The following RAPGEF4 variants were observed in gnomAD, a reference collection of about 807,000 sequenced individuals.
The protein encoded by RAPGEF4 is Rap guanine nucleotide exchange factor 4, also known as RAP guanine-nucleotide-exchange factor (GEF) 4.
RAPGEF4 carries 66 observed loss-of-function variants against 147.9 expected under a neutral mutation model. The ratio of observed to expected loss-of-function variants is 0.45; its 90% confidence interval spans 0.37 to 0.55. RAPGEF4 has a LOEUF of 0.55. Among genes scored for constraint, RAPGEF4 ranks in the 20% least tolerant of loss-of-function variants. The pLI is 0.00. For synonymous variants in RAPGEF4, 419 were observed against 442.7 expected (o/e 0.95, Z 0.67); for missense variants, 1,071 against 1,257.3 (o/e 0.85, Z 2.24).
chr2:172,928,412 G>A, intron 6 of RAPGEF4: 1 of 342,646 alleles, frequency 2.9e-6, no homozygotes, highest in Non-Finnish European at 5.7e-6. Flanking sequence ...AATAGGAAAT[G>A]TAGGTAATAC....
intron 1 of RAPGEF4, among the ~76,000 whole-genome samples, chr2:172,754,690 G>A (rs1199903779): frequency 6.6e-6 from 1 of 151,990 alleles, no homozygotes; most frequent in Non-Finnish European, 1.5e-5. Context: ...TTAGTAGATA[G>A]GGCAAGGAAA....
At chr2:172,864,445 G>GGGATT (rs1279119085) in intron 4 of RAPGEF4, among the ~76,000 whole-genome samples, 19 of 152,324 alleles carry the variant, frequency 1.2e-4, no homozygotes, top group Middle Eastern at 6.8e-3. Context: ...TCTTGAGTCT[G>GGGATT]GGATTCGGCT....
intron 4 of RAPGEF4, among the ~76,000 whole-genome samples, chr2:172,903,442 G>A (rs1180178733): frequency 2.0e-5 from 3 of 151,658 alleles, no homozygotes; most frequent in African/African-American, 7.3e-5. Flanking sequence ...GAAGGCTGAG[G>A]CAGGAGAATC....
At chr2:172,855,236 G>A (rs377430913) in intron 4 of RAPGEF4, among the ~76,000 whole-genome samples, 1 of 152,056 alleles carries the variant, frequency 6.6e-6, no homozygotes, top group African/African-American at 2.4e-5. Context: ...TTGCTCTGGG[G>A]ATTACCACAT....
At chr2:172,901,880 G>A (rs1174261360) in intron 4 of RAPGEF4, among the ~76,000 whole-genome samples, 2 of 152,134 alleles carry the variant, frequency 1.3e-5, no homozygotes, top group Admixed American at 6.5e-5. Context: ...GTTAACAGAG[G>A]AGAAAAAGCA....
intron 3 of RAPGEF4, 52 bp downstream of exon 3, chr2:172,797,665 T>G (rs1234955845): frequency 7.4e-7 from 1 of 1,348,610 alleles, no homozygotes; most frequent in Non-Finnish European, 1.0e-6. Flanking sequence ...TAAAGACTTA[T>G]TATCCCTATG....
chr2:173,004,327 AT>A (rs2105822397), intron 17 of RAPGEF4, among the ~76,000 whole-genome samples: 1 of 152,282 alleles, frequency 6.6e-6, no homozygotes, highest in East Asian at 1.9e-4. Context: ...TGAAAATCAT[AT>A]TTGTTCAATT....
chr2:172,766,708 G>A (rs1412957395), intron 1 of RAPGEF4, among the ~76,000 whole-genome samples: 1 of 152,118 alleles, frequency 6.6e-6, no homozygotes, highest in Admixed American at 6.5e-5. Context: ...AACACCAACA[G>A]TGGATGTGCT....
intron 29 of RAPGEF4, among the ~76,000 whole-genome samples, chr2:173,039,550 T>C (rs567752759): frequency 7.9e-5 from 12 of 151,540 alleles, no homozygotes; most frequent in African/African-American, 2.7e-4. Context: ...CAGTTTTACA[T>C]CCACTTGGTT....
chr2:172,805,772 A>G (rs1394344555), intron 3 of RAPGEF4, among the ~76,000 whole-genome samples: 1 of 152,148 alleles, frequency 6.6e-6, no homozygotes, highest in East Asian at 1.9e-4. Context: ...CCACTGCTGT[A>G]CTTGTCTGCA....
rs530204815 is a variant in RAPGEF4, at chr2:172,967,546, A to G, written c.1004+102A>G. On this transcript the variant is annotated intron_variant, in intron 10 of 30. Coordinates refer to ENST00000397081, the MANE Select transcript of RAPGEF4 (RefSeq NM_007023.4). ...AAGGCTGCTCTCAAAAGCCCTGGCCATCCCCCATGGAACAAAAGGGAGCAG... is the reference window on the plus strand; with the variant it reads ...AAGGCTGCTCTCAAAAGCCCTGGCCGTCCCCCATGGAACAAAAGGGAGCAG... The G allele has an allele frequency of 4.8e-6, 6 of 1,253,880 alleles. No individual in the cohort carries two copies. In the East Asian group the frequency reaches 1.3e-4, roughly 27 times the overall value. The allele number at this position is 1,253,880 out of a possible 1,614,324, so 77.7% of individuals were successfully genotyped here. A position where few individuals can be genotyped will look rare whatever the true frequency, so the allele number is the denominator to read the frequency against.
In RAPGEF4 at chr2:172,869,990, G is replaced by A. The variant is rs141653596; in HGVS notation, c.445-47812G>A. ...GGTGAACTCCACTCCCGGGGAGTGG[G>A]CATTTCAAACTAGGAGCAATCCTGA... On this transcript the variant is annotated intron_variant, in intron 4 of 30. Transcript: ENST00000397081. 1.6e-4 allele frequency among the ~76,000 whole-genome samples: 24 copies of A among 152,248 alleles called. No homozygotes were observed. In the East Asian group the frequency reaches 3.9e-3, roughly 25 times the overall value.
At chr2:172,986,207 A>G (rs1692233099) in intron 12 of RAPGEF4, among the ~76,000 whole-genome samples, 1 of 152,266 alleles carries the variant, frequency 6.6e-6, no homozygotes, top group South Asian at 2.1e-4. Flanking sequence ...ATCACAGGAC[A>G]CAGCAGCATG....
intron 17 of RAPGEF4, among the ~76,000 whole-genome samples, chr2:173,003,080 C>T (rs7604728): frequency 0.77 from 116,751 of 152,048 alleles, 44,967 homozygotes; most frequent in East Asian, 1. Flanking sequence ...GCGAGTTCAG[C>T]GGGCCAAGGC....
intron 29 of RAPGEF4, 70 bp from the exon 30 acceptor site, chr2:173,048,530 G>A (rs2290378): frequency 0.075 from 119,958 of 1,599,192 alleles, 6,695 homozygotes; most frequent in East Asian, 0.36. Context: ...GAAATGGTTT[G>A]TTTTCCTTTT....
chr2:172,799,814 T>C (rs1187753198), intron 3 of RAPGEF4, among the ~76,000 whole-genome samples: 2 of 152,154 alleles, frequency 1.3e-5, no homozygotes, highest in Non-Finnish European at 2.9e-5. Flanking sequence ...GAAGAGCAGA[T>C]GTGCCTAAGG....
intron 1 of RAPGEF4, among the ~76,000 whole-genome samples, chr2:172,743,036 G>A (rs1364856472): frequency 6.6e-6 from 1 of 152,108 alleles, no homozygotes; most frequent in African/African-American, 2.4e-5. Flanking sequence ...AGATTTTATG[G>A]CCCTCTCATC....
At chr2:172,882,055 A>G (rs1025846755) in intron 4 of RAPGEF4, among the ~76,000 whole-genome samples, 1 of 152,194 alleles carries the variant, frequency 6.6e-6, no homozygotes, top group East Asian at 1.9e-4. Context: ...TGGTGTGTTC[A>G]TGTTAACAGG....
At chr2:173,027,460 C>A (rs1205209278) in intron 25 of RAPGEF4, among the ~76,000 whole-genome samples, 2 of 152,226 alleles carry the variant, frequency 1.3e-5, no homozygotes, top group African/African-American at 4.8e-5. Flanking sequence ...AAATTAACTT[C>A]TTTACAGCAC....
Sources: gnomAD v4.1 joint callset for allele counts (sites outside exome capture counted in the v4.1 genomes callset) on GRCh38, gnomAD v4.1.1 for gene constraint, MANE v1.5 for transcripts, NCBI Gene and HGNC (gene_info 2026-07-23, HGNC 2026-07-21) for gene names.